The following EYS variants were observed in gnomAD, a reference collection of about 807,000 sequenced individuals.
EYS encodes the protein protein eyes shut homolog.
Under a neutral mutation model 282.1 loss-of-function variants are expected in EYS, and 250 were observed. The observed-to-expected ratio is 0.89, with a 90% confidence interval of 0.80 to 0.98. The LOEUF (loss-of-function observed/expected upper bound fraction) is 0.98. EYS is among the 50% of genes least tolerant of loss of function. EYS has a pLI of 0.00. For missense variants in EYS, 4,016 were observed against 3,709.0 expected (o/e 1.08, Z -2.15); for synonymous variants, 1,355 against 1,282.9 (o/e 1.06, Z -1.20).
At chr6:65,095,094 G>A (rs1317576841) in intron 12 of EYS, among the ~76,000 whole-genome samples, 1 of 151,158 alleles carries the variant, frequency 6.6e-6, no homozygotes, top group African/African-American at 2.4e-5. Context: ...TAAAAGAAAT[G>A]TATAAATTCC....
At chr6:64,970,621 T>G (rs1206373387) in intron 14 of EYS, among the ~76,000 whole-genome samples, 2 of 152,166 alleles carry the variant, frequency 1.3e-5, no homozygotes, top group Non-Finnish European at 2.9e-5. Context: ...TCCAGCAAAT[T>G]GTGCATCACA....
intron 19 of EYS, among the ~76,000 whole-genome samples, chr6:64,869,969 T>G (rs758812818): frequency 2.0e-5 from 3 of 151,628 alleles, no homozygotes; most frequent in Non-Finnish European, 4.4e-5. Context: ...TGGCTATTAT[T>G]TCAACTGAAG....
At chr6:64,732,190 T>G (rs897816757) in intron 22 of EYS, among the ~76,000 whole-genome samples, 1 of 151,672 alleles carries the variant, frequency 6.6e-6, no homozygotes, top group Non-Finnish European at 1.5e-5. Flanking sequence ...GGGATAGCAT[T>G]AGGAGAAATA....
intron 31 of EYS, among the ~76,000 whole-genome samples, chr6:64,089,689 C>T (rs1216111334): frequency 6.6e-6 from 1 of 151,946 alleles, no homozygotes; most frequent in African/African-American, 2.4e-5. Flanking sequence ...AATCCATAAA[C>T]ACTGATAAAT....
intron 23 of EYS, among the ~76,000 whole-genome samples, chr6:64,623,108 G>A (rs1374532253): frequency 1.3e-5 from 2 of 152,240 alleles, no homozygotes; most frequent in African/African-American, 4.8e-5. Flanking sequence ...ATTGGGGAAG[G>A]CCTTTGTTTT....
chr6:65,657,324 G>A (rs756296300), intron 1 of EYS, among the ~76,000 whole-genome samples: 5 of 151,756 alleles, frequency 3.3e-5, no homozygotes, highest in African/African-American at 7.2e-5. Context: ...TACAGATGCC[G>A]TAGATCGTGA....
At chr6:64,566,775 A>AAT (rs199825997) in intron 26 of EYS, among the ~76,000 whole-genome samples, 8 of 151,970 alleles carry the variant, frequency 5.3e-5, no homozygotes, top group Non-Finnish European at 1.0e-4. Flanking sequence ...ATTTGATTCT[A>AAT]ATATATATAT....
intron 41 of EYS, among the ~76,000 whole-genome samples, chr6:63,751,673 T>C (rs1451462585): frequency 6.6e-6 from 1 of 152,198 alleles, no homozygotes; most frequent in Non-Finnish European, 1.5e-5. Flanking sequence ...CATCTTTCTT[T>C]GCTGAAGGAA....
chr6:64,795,931 G>GA lies in EYS; in HGVS notation c.3443+17446dup, dbSNP rs201035196. Reference sequence around the variant, plus strand: ...AGAATGATAGCAATCTACAGAAATGGAGAGAGATGCTTTTGAGACAAGAGT... The same window carrying GA: ...AGAATGATAGCAATCTACAGAAATGGAAGAGAGATGCTTTTGAGACAAGAGT... On this transcript the variant is annotated intron_variant, in intron 22 of 42. Coordinates refer to ENST00000503581, the MANE Select transcript of EYS (RefSeq NM_001142800.2). Among the ~76,000 whole-genome samples the GA allele has an allele frequency of 8.5e-5, 13 of 152,290 alleles. No individual in the cohort carries two copies. The East Asian group carries it at 2.5e-3, about 29-fold the overall frequency.
chr6:63,938,177 C>A lies in EYS; in HGVS notation c.7055+46206G>T, dbSNP rs114790803. 8.7e-4 allele frequency among the ~76,000 whole-genome samples: 133 copies of A among 152,248 alleles called. 1 individual carries two copies. The highest frequency in any genetic ancestry group is 3.1e-3 in the African/African-American group (129 of 41,564). ...AGAAAGGAAATAGGAAACTCAAGTA[C>A]CTAGCCAACCTCACCTAATGCTACA... On this transcript the variant is annotated intron_variant, in intron 35 of 42. Coordinates refer to ENST00000503581, the MANE Select transcript of EYS (RefSeq NM_001142800.2).
chr6:64,311,440 C>A (rs1769697247), intron 29 of EYS, among the ~76,000 whole-genome samples: 1 of 152,118 alleles, frequency 6.6e-6, no homozygotes, highest in Admixed American at 6.5e-5. Flanking sequence ...AAATATAGTT[C>A]TTATTATTAA....
intron 2 of EYS, among the ~76,000 whole-genome samples, chr6:65,603,282 A>G (rs1040683288): frequency 6.6e-6 from 1 of 151,936 alleles, no homozygotes; most frequent in East Asian, 1.9e-4. Flanking sequence ...TGGATCACCA[A>G]TGAAAGAGAG....
At chr6:63,768,990 T>C (rs1481059666) in intron 40 of EYS, among the ~76,000 whole-genome samples, 1 of 152,134 alleles carries the variant, frequency 6.6e-6, no homozygotes, top group Non-Finnish European at 1.5e-5. Flanking sequence ...AAATACTGCA[T>C]ATTCTCATTT....
chr6:65,623,610 A>C (rs1766598363), intron 2 of EYS, among the ~76,000 whole-genome samples: 1 of 152,190 alleles, frequency 6.6e-6, no homozygotes, highest in Admixed American at 6.5e-5. Context: ...TTTTGAAAAA[A>C]AAATTGAAGC....
chr6:65,388,842 T>C (rs537274919), intron 7 of EYS, among the ~76,000 whole-genome samples: 3 of 152,208 alleles, frequency 2.0e-5, no homozygotes, highest in African/African-American at 7.2e-5. Flanking sequence ...ACCTGTAACT[T>C]TCAGCATCTA....
At chr6:64,969,414 T>A (rs1278312540) in intron 14 of EYS, among the ~76,000 whole-genome samples, 1 of 152,172 alleles carries the variant, frequency 6.6e-6, no homozygotes, top group African/African-American at 2.4e-5. Flanking sequence ...TGGCTCTTGC[T>A]GGGTATCATT....
chr6:64,273,253 CT>C (rs1177207248), intron 30 of EYS, among the ~76,000 whole-genome samples: 7 of 152,086 alleles, frequency 4.6e-5, no homozygotes, highest in African/African-American at 1.7e-4. Flanking sequence ...TATTGAATGT[CT>C]TTAGTATTTA....
rs911569567 is a variant in EYS at position 64,189,524 on chromosome 6, A to T, written c.6424+41068T>A. 4.6e-5 allele frequency among the ~76,000 whole-genome samples: 7 copies of T among 152,332 alleles called. No homozygotes were observed. In the South Asian group the frequency reaches 1.0e-3, roughly 23 times the overall value. Reference sequence around the variant, plus strand: ...TCATGTGTCCACTGTGCTACACTATAGTACTCAGTTATTTAATCAAACACC... The same window carrying T: ...TCATGTGTCCACTGTGCTACACTATTGTACTCAGTTATTTAATCAAACACC... On this transcript the variant is annotated intron_variant, in intron 31 of 42. Transcript: ENST00000503581.
At chr6:64,284,405 C>A (rs1181330506) in intron 30 of EYS, among the ~76,000 whole-genome samples, 1 of 152,172 alleles carries the variant, frequency 6.6e-6, no homozygotes, top group Non-Finnish European at 1.5e-5. Context: ...CAGTCTTGGG[C>A]AGCTCTGCCC....
Sources: gnomAD v4.1 joint callset for allele counts (sites outside exome capture counted in the v4.1 genomes callset) on GRCh38, gnomAD v4.1.1 for gene constraint, MANE v1.5 for transcripts, NCBI Gene and HGNC (gene_info 2026-07-23, HGNC 2026-07-21) for gene names.